The following ROBO1 variants were observed in gnomAD, a reference collection of about 807,000 sequenced individuals.
The protein encoded by ROBO1 is roundabout guidance receptor 1.
Under a neutral mutation model 195.9 loss-of-function variants are expected in ROBO1, and 149 were observed. That is an observed-to-expected ratio of 0.76 (90% CI 0.67 to 0.87). The LOEUF (loss-of-function observed/expected upper bound fraction) is 0.87. Among genes scored for constraint, ROBO1 ranks in the 40% least tolerant of loss-of-function variants. The pLI is 0.00. For synonymous variants in ROBO1, 816 were observed against 733.2 expected (o/e 1.11, Z -1.82); for missense variants, 1,933 against 2,068.3 (o/e 0.93, Z 1.27).
At chr3:79,071,576 C>T (rs1165509006) in intron 3 of ROBO1, among the ~76,000 whole-genome samples, 2 of 151,440 alleles carry the variant, frequency 1.3e-5, no homozygotes, top group African/African-American at 4.8e-5. Flanking sequence ...CCGTGGGTGT[C>T]CTGTATGTCT....
intron 3 of ROBO1, among the ~76,000 whole-genome samples, chr3:78,960,755 C>A (rs2041290991): frequency 6.7e-6 from 1 of 148,752 alleles, no homozygotes; most frequent in African/African-American, 2.5e-5. Context: ...CCAGCCTGGG[C>A]AACGAAGCGA....
chr3:78,737,254 T>C (rs1268802826), intron 5 of ROBO1, among the ~76,000 whole-genome samples: 3 of 152,200 alleles, frequency 2.0e-5, no homozygotes, highest in African/African-American at 7.2e-5. Flanking sequence ...GCAGAGGAGA[T>C]AGAAAGCTGG....
chr3:79,316,024 A>C (rs1245611736), intron 2 of ROBO1, among the ~76,000 whole-genome samples: 1 of 152,200 alleles, frequency 6.6e-6, no homozygotes, highest in Non-Finnish European at 1.5e-5. Flanking sequence ...CTTTACACGC[A>C]ATTCTAACCT....
intron 2 of ROBO1, among the ~76,000 whole-genome samples, chr3:79,498,028 G>T (rs59937748): frequency 0.31 from 46,328 of 151,666 alleles, 7,249 homozygotes; most frequent in Non-Finnish European, 0.35. Context: ...TAACCTGATT[G>T]TATGAAACTA....
chr3:79,182,854 C>T (rs541843849), intron 2 of ROBO1, among the ~76,000 whole-genome samples: 33 of 151,796 alleles, frequency 2.2e-4, no homozygotes, highest in African/African-American at 6.0e-4. Context: ...CTGAGGCAGG[C>T]GGATCACGAG....
chr3:78,686,874 GAATTT>G (rs1227625145), intron 9 of ROBO1, among the ~76,000 whole-genome samples: 2 of 151,924 alleles, frequency 1.3e-5, no homozygotes, highest in East Asian at 1.9e-4. Context: ...TTCATATGTT[GAATTT>G]AATTAAAAGA....
chr3:79,709,071 A>T (rs1702173313), intron 1 of ROBO1, among the ~76,000 whole-genome samples: 1 of 152,170 alleles, frequency 6.6e-6, no homozygotes, highest in African/African-American at 2.4e-5. Flanking sequence ...ACAAAATAAT[A>T]TTTTAAATGT....
At chr3:79,341,519 C>T (rs1483425022) in intron 2 of ROBO1, among the ~76,000 whole-genome samples, 3 of 151,440 alleles carry the variant, frequency 2.0e-5, no homozygotes, top group Admixed American at 6.6e-5. Flanking sequence ...AAAATAATTA[C>T]AGATCGGGTG....
chr3:79,353,144 T>C (rs183060228), intron 2 of ROBO1, among the ~76,000 whole-genome samples: 1 of 152,120 alleles, frequency 6.6e-6, no homozygotes, highest in Non-Finnish European at 1.5e-5. Context: ...GAGATAACAT[T>C]TTTTTATGTT....
chr3:79,088,831 T>C (rs1454356600), intron 3 of ROBO1, among the ~76,000 whole-genome samples: 1 of 152,092 alleles, frequency 6.6e-6, no homozygotes, highest in African/African-American at 2.4e-5. Context: ...ATTAGATCAC[T>C]GTGTGTGTGC....
intron 1 of ROBO1, among the ~76,000 whole-genome samples, chr3:79,760,132 G>C (rs1704608172): frequency 6.7e-6 from 1 of 150,178 alleles, no homozygotes; most frequent in South Asian, 2.1e-4. Context: ...AGTTACTCGG[G>C]AGGCTGAGCC....
chr3:79,745,273 T>C (rs1291254841), intron 1 of ROBO1, among the ~76,000 whole-genome samples: 1 of 152,196 alleles, frequency 6.6e-6, no homozygotes, highest in Non-Finnish European at 1.5e-5. Flanking sequence ...AACATCTAAA[T>C]AGAATACTAT....
chr3:79,368,685 C>T (rs1029386380), intron 2 of ROBO1, among the ~76,000 whole-genome samples: 5 of 152,132 alleles, frequency 3.3e-5, no homozygotes, highest in African/African-American at 1.2e-4. Flanking sequence ...CTTGTCTCAC[C>T]CTGCTGCTGC....
At chr3:78,638,676 C>T (rs1201891604) in intron 22 of ROBO1, among the ~76,000 whole-genome samples, 1 of 151,508 alleles carries the variant, frequency 6.6e-6, no homozygotes, top group African/African-American at 2.4e-5. Context: ...TTGAGACCAG[C>T]CTGAGCAACA....
chr3:78,738,735 TA>T (rs2082452641), intron 5 of ROBO1, among the ~76,000 whole-genome samples: 1 of 152,156 alleles, frequency 6.6e-6, no homozygotes, highest in South Asian at 2.1e-4. Flanking sequence ...GTAAAAATCT[TA>T]AGAAAAAACT....
At chr3:79,649,678 C>A (rs1945942115) in intron 1 of ROBO1, among the ~76,000 whole-genome samples, 1 of 151,986 alleles carries the variant, frequency 6.6e-6, no homozygotes, top group African/African-American at 2.4e-5. Context: ...CCTAGTAAAG[C>A]ATTTATTTGT....
intron 2 of ROBO1, among the ~76,000 whole-genome samples, chr3:79,519,492 G>A (rs1941104657): frequency 6.6e-6 from 1 of 151,672 alleles, no homozygotes; most frequent in Admixed American, 6.6e-5. Context: ...AGCCGGGCGT[G>A]GTGGCGGGCG....
chr3:78,717,441 T>A, intron 6 of ROBO1, 28 bp from the exon 7 acceptor site: 1 of 1,601,522 alleles, frequency 6.2e-7, no homozygotes, highest in Non-Finnish European at 8.5e-7. Flanking sequence ...CATCTTAAGG[T>A]AAAATTTTAA....
chr3:78,831,765 G>C (rs2032232785), intron 4 of ROBO1, among the ~76,000 whole-genome samples: 1 of 152,210 alleles, frequency 6.6e-6, no homozygotes, highest in African/African-American at 2.4e-5. Flanking sequence ...TCACAATCAT[G>C]GTGGAAAGCA....
Sources: allele counts gnomAD v4.1 joint callset (sites outside exome capture counted in the v4.1 genomes callset), GRCh38; gene constraint gnomAD v4.1.1; transcripts MANE v1.5; gene names NCBI Gene and HGNC (gene_info 2026-07-23, HGNC 2026-07-21).